Variants in CDH18 observed in about 807,000 individuals in gnomAD.
CDH18 encodes the protein cadherin 18.
A neutral mutation model predicts 67.9 loss-of-function variants in CDH18; 31 were observed. The ratio of observed to expected loss-of-function variants is 0.46; its 90% CI spans 0.34 to 0.62. The LOEUF (loss-of-function observed/expected upper bound fraction) is 0.62, where lower values mean the gene tolerates loss of function less well. Among genes scored for constraint, CDH18 ranks in the 20% least tolerant of loss-of-function variants. The pLI is 0.01. For missense variants in CDH18, 890 were observed against 975.5 expected, an observed-to-expected ratio of 0.91 and a Z score of 1.17; for synonymous variants, 362 against 347.2, an observed-to-expected ratio of 1.04 and a Z score of -0.48.
chr5:20,527,865 T>C (rs1015652655), intron 1 of CDH18, among the ~76,000 whole-genome samples: 2 of 152,004 alleles, frequency 1.3e-5, no homozygotes, highest in Non-Finnish European at 2.9e-5. Context: ...GTTTGCAAAA[T>C]TAATCAGTCA....
chr5:20,336,848 C>T (rs537510149), intron 1 of CDH18, among the ~76,000 whole-genome samples: 1 of 151,766 alleles, frequency 6.6e-6, no homozygotes, highest in South Asian at 2.1e-4. Context: ...TTAACTTGAC[C>T]CAGCTCATTA....
chr5:20,114,998 G>A (rs1195708882), intron 2 of CDH18, among the ~76,000 whole-genome samples: 4 of 152,130 alleles, frequency 2.6e-5, no homozygotes, highest in Admixed American at 6.6e-5. Flanking sequence ...AAGGAAATGA[G>A]GAGAGTTTTA....
At chr5:19,738,735 T>C (rs1412654135) in intron 4 of CDH18, among the ~76,000 whole-genome samples, 1 of 152,104 alleles carries the variant, frequency 6.6e-6, no homozygotes. Context: ...GGCCTACCAA[T>C]GGGCAGAGGG....
intron 2 of CDH18, among the ~76,000 whole-genome samples, chr5:20,059,855 T>C (rs999231193): frequency 1.1e-4 from 16 of 152,082 alleles, no homozygotes; most frequent in African/African-American, 3.9e-4. Context: ...AACCATCATT[T>C]TCAGTAAACT....
At chr5:19,830,920 C>G (rs568934754) in intron 3 of CDH18, among the ~76,000 whole-genome samples, 1 of 152,128 alleles carries the variant, frequency 6.6e-6, no homozygotes, top group African/African-American at 2.4e-5. Context: ...TAACCTGACA[C>G]AAACTAACGC....
At chr5:19,704,993 A>G (rs569351304) in intron 5 of CDH18, among the ~76,000 whole-genome samples, 2 of 152,308 alleles carry the variant, frequency 1.3e-5, no homozygotes, top group South Asian at 4.1e-4. Flanking sequence ...AACGGTTTGC[A>G]TTTACAATTC....
intron 2 of CDH18, among the ~76,000 whole-genome samples, chr5:20,229,414 T>A (rs774499462): frequency 1.3e-5 from 2 of 152,062 alleles, no homozygotes; most frequent in African/African-American, 2.4e-5. Context: ...CTGATTATGA[T>A]TAGCACATTG....
intron 1 of CDH18, among the ~76,000 whole-genome samples, chr5:20,442,933 G>A (rs1012523614): frequency 3.3e-5 from 5 of 151,830 alleles, no homozygotes; most frequent in Admixed American, 6.5e-5. Flanking sequence ...ATCTTGGCCG[G>A]GCGCGGTGGC....
At chr5:19,858,726 C>A (rs910031149) in intron 2 of CDH18, among the ~76,000 whole-genome samples, 1 of 152,098 alleles carries the variant, frequency 6.6e-6, no homozygotes, top group Non-Finnish European at 1.5e-5. Flanking sequence ...TGCACTAGAA[C>A]TCATTTATTT....
intron 2 of CDH18, among the ~76,000 whole-genome samples, chr5:20,077,617 T>A (rs1744064186): frequency 6.6e-6 from 1 of 152,206 alleles, no homozygotes. Context: ...TATTTGCTGT[T>A]GGAAAAGAAG....
intron 2 of CDH18, among the ~76,000 whole-genome samples, chr5:20,201,499 T>TTTCTTG (rs1739443576): frequency 6.6e-6 from 1 of 152,094 alleles, no homozygotes; most frequent in African/African-American, 2.4e-5. Context: ...TGAAGTGTTT[T>TTTCTTG]TTTTTGTTTT....
chr5:20,546,049 T>C (rs1466039859), intron 1 of CDH18, among the ~76,000 whole-genome samples: 2 of 152,122 alleles, frequency 1.3e-5, no homozygotes, highest in African/African-American at 4.8e-5. Context: ...CTCTCTTAAG[T>C]TCAAAGTTCC....
At chr5:20,310,178 C>T (rs1404211398) in intron 1 of CDH18, among the ~76,000 whole-genome samples, 1 of 152,142 alleles carries the variant, frequency 6.6e-6, no homozygotes, top group Non-Finnish European at 1.5e-5. Context: ...AGTGGGTGTT[C>T]TACGAGGTTT....
intron 1 of CDH18, among the ~76,000 whole-genome samples, chr5:20,450,193 A>C (rs1336055681): frequency 2.0e-5 from 3 of 152,086 alleles, no homozygotes; most frequent in Non-Finnish European, 2.9e-5. Context: ...ATTAAAACAA[A>C]AAAATTAGCC....
At chr5:19,628,195 C>T (rs1347133364) in intron 5 of CDH18, among the ~76,000 whole-genome samples, 1 of 152,110 alleles carries the variant, frequency 6.6e-6, no homozygotes, top group Non-Finnish European at 1.5e-5. Context: ...GCTTGATTCT[C>T]ATTCTCTCTT....
chr5:19,835,481 AT>A (rs907282588), intron 3 of CDH18, among the ~76,000 whole-genome samples: 2 of 151,470 alleles, frequency 1.3e-5, no homozygotes, highest in Non-Finnish European at 1.5e-5. Flanking sequence ...GTTTCTCTGT[AT>A]TTTTTTAGAA....
chr5:20,188,609 A>C (rs1738286603), intron 2 of CDH18, among the ~76,000 whole-genome samples: 2 of 151,932 alleles, frequency 1.3e-5, no homozygotes, highest in South Asian at 4.2e-4. Context: ...TTGCTGTCAC[A>C]GGGAGTTTAA....
chr5:20,400,895 T>C (rs1263315416), intron 1 of CDH18, among the ~76,000 whole-genome samples: 5 of 152,258 alleles, frequency 3.3e-5, no homozygotes, highest in Admixed American at 2.0e-4. Flanking sequence ...TTTTATCCCT[T>C]GCACTGAAAT....
At chr5:19,491,700 C>T (rs1053816093) in intron 11 of CDH18, among the ~76,000 whole-genome samples, 2 of 151,914 alleles carry the variant, frequency 1.3e-5, no homozygotes, top group African/African-American at 4.8e-5. Context: ...CCCCAAATAG[C>T]CACAAGAAAA....
Sources: gnomAD v4.1 joint callset for allele counts (sites outside exome capture counted in the v4.1 genomes callset) on GRCh38, gnomAD v4.1.1 for gene constraint, MANE v1.5 for transcripts, NCBI Gene and HGNC (gene_info 2026-07-23, HGNC 2026-07-21) for gene names.